Variants in RASAL2 observed in about 807,000 individuals in gnomAD.
RASAL2 encodes the protein ras GTPase-activating protein nGAP.
A neutral mutation model predicts 128.9 loss-of-function variants in RASAL2; 58 were observed. That is an observed-to-expected ratio of 0.45 (90% CI 0.36 to 0.56). RASAL2 has a LOEUF of 0.56. Among genes scored for constraint, RASAL2 ranks in the 20% least tolerant of loss-of-function variants. The pLI, the probability that RASAL2 is intolerant of heterozygous loss-of-function variation, is 0.00. For missense variants in RASAL2, 1,360 were observed against 1,601.6 expected (o/e 0.85, Z 2.57); for synonymous variants, 561 against 580.8 (o/e 0.97, Z 0.49).
intron 4 of RASAL2, among the ~76,000 whole-genome samples, chr1:178,410,507 G>T (rs966444908): frequency 3.9e-5 from 6 of 152,094 alleles, no homozygotes; most frequent in Admixed American, 6.5e-5. Context: ...TGCAACAAAA[G>T]TAAAGATAAA....
At chr1:178,249,702 A>G (rs145646622) in intron 1 of RASAL2, among the ~76,000 whole-genome samples, 29 of 152,142 alleles carry the variant, frequency 1.9e-4, no homozygotes, top group East Asian at 7.8e-4. Flanking sequence ...TTTGAGTCCA[A>G]TGACCTTTGG....
At chr1:178,330,435 A>G (rs562156388) in intron 3 of RASAL2, among the ~76,000 whole-genome samples, 7 of 152,286 alleles carry the variant, frequency 4.6e-5, no homozygotes, top group Admixed American at 3.9e-4. Context: ...ATTACAACAT[A>G]GAGTATGTAG....
chr1:178,103,895 G>A lies in RASAL2; in HGVS notation c.202+9201G>A, dbSNP rs184934033. Among the ~76,000 whole-genome samples the A allele has an allele frequency of 3.3e-3, 499 of 151,972 alleles. 4 individuals carry two copies. The highest frequency in any genetic ancestry group is 0.012 in the African/African-American group (484 of 41,482). On this transcript the variant is annotated intron_variant, in intron 1 of 17. Coordinates refer to ENST00000367649, the MANE Select transcript of RASAL2 (RefSeq NM_170692.4). ...TCGGATTTTTCTTTTATGGCTTTTTGGTTTTATGTCAGAATGTATTTTATG... is the reference window on the plus strand; with the variant it reads ...TCGGATTTTTCTTTTATGGCTTTTTAGTTTTATGTCAGAATGTATTTTATG...
chr1:178,271,956 T>TTG, intron 1 of RASAL2, among the ~76,000 whole-genome samples: 2 of 152,326 alleles, frequency 1.3e-5, no homozygotes, highest in Middle Eastern at 6.8e-3. Flanking sequence ...TGTGGTTCAT[T>TTG]TGTCTGAAAT....
intron 17 of RASAL2, 134 bp from the exon 18 acceptor site, chr1:178,472,941 A>G: frequency 2.0e-6 from 2 of 996,674 alleles, no homozygotes; most frequent in South Asian, 3.3e-5. Context: ...AGAAAGAGGC[A>G]GAGACGTTCC....
intron 5 of RASAL2, among the ~76,000 whole-genome samples, chr1:178,436,366 G>C (rs1002538116): frequency 6.6e-6 from 1 of 151,962 alleles, no homozygotes; most frequent in African/African-American, 2.4e-5. Context: ...TAAAATTTCG[G>C]TAACTAGGAA....
intron 1 of RASAL2, among the ~76,000 whole-genome samples, chr1:178,174,030 G>A (rs1661799949): frequency 6.6e-6 from 1 of 151,708 alleles, no homozygotes; most frequent in African/African-American, 2.4e-5. Flanking sequence ...TTTAAGTGAG[G>A]CAGTGACATT....
At chr1:178,359,027 A>G (rs1670969799) in intron 3 of RASAL2, among the ~76,000 whole-genome samples, 1 of 152,238 alleles carries the variant, frequency 6.6e-6, no homozygotes, top group Non-Finnish European at 1.5e-5. Context: ...GTAATATAAT[A>G]TTTAAATGGA....
At chr1:178,255,538 A>T (rs1330227908) in intron 1 of RASAL2, among the ~76,000 whole-genome samples, 1 of 152,106 alleles carries the variant, frequency 6.6e-6, no homozygotes, top group African/African-American at 2.4e-5. Flanking sequence ...ATATTAATAC[A>T]TGTAATATCT....
intron 1 of RASAL2, among the ~76,000 whole-genome samples, chr1:178,179,898 C>A (rs1206138867): frequency 1.3e-5 from 2 of 152,186 alleles, no homozygotes; most frequent in Admixed American, 6.5e-5. Flanking sequence ...TAGAAAATAA[C>A]CATAATTTTC....
intron 1 of RASAL2, among the ~76,000 whole-genome samples, chr1:178,121,690 T>C (rs978443743): frequency 6.6e-6 from 1 of 152,142 alleles, no homozygotes; most frequent in African/African-American, 2.4e-5. Context: ...TTTGCCGTGT[T>C]AGCCAGGCTG....
intron 1 of RASAL2, among the ~76,000 whole-genome samples, chr1:178,260,637 T>C (rs1665651452): frequency 6.6e-6 from 1 of 151,624 alleles, no homozygotes; most frequent in African/African-American, 2.4e-5. Context: ...TTATTTTATT[T>C]CCTTAAGTCA....
chr1:178,322,068 A>G (rs1668816804), intron 3 of RASAL2, among the ~76,000 whole-genome samples: 1 of 151,810 alleles, frequency 6.6e-6, no homozygotes, highest in East Asian at 1.9e-4. Flanking sequence ...CCTCACCTCA[A>G]GTGATACTCC....
At chr1:178,390,047 G>T (rs764773286) in intron 3 of RASAL2, 53 bp from the exon 4 acceptor site, 38 of 1,175,886 alleles carry the variant, frequency 3.2e-5, no homozygotes, top group South Asian at 1.4e-5. Context: ...TTCAGTGGAA[G>T]ATCCTAAATT....
chr1:178,219,634 A>T (rs1341366479), intron 1 of RASAL2, among the ~76,000 whole-genome samples: 1 of 146,704 alleles, frequency 6.8e-6, no homozygotes, highest in African/African-American at 2.5e-5. Flanking sequence ...TGCCTCAGGA[A>T]AAAAAAAAAA....
At chr1:178,264,431 AC>A (rs1483429042) in intron 1 of RASAL2, among the ~76,000 whole-genome samples, 1 of 152,106 alleles carries the variant, frequency 6.6e-6, no homozygotes, top group African/African-American at 2.4e-5. Flanking sequence ...TTCTCTCTAA[AC>A]CCTCATGCAC....
chr1:178,367,153 C>A (rs1671445418), intron 3 of RASAL2, among the ~76,000 whole-genome samples: 1 of 152,144 alleles, frequency 6.6e-6, no homozygotes, highest in African/African-American at 2.4e-5. Flanking sequence ...AAAGGTAAGT[C>A]AAAGACCCCT....
At chr1:178,262,258 T>C (rs1482064403) in intron 1 of RASAL2, among the ~76,000 whole-genome samples, 1 of 152,182 alleles carries the variant, frequency 6.6e-6, no homozygotes, top group Non-Finnish European at 1.5e-5. Context: ...ATGCAGGGTA[T>C]TTAAAGTTCC....
At chr1:178,147,165 T>G (rs1175791518) in intron 1 of RASAL2, among the ~76,000 whole-genome samples, 1 of 152,144 alleles carries the variant, frequency 6.6e-6, no homozygotes, top group African/African-American at 2.4e-5. Flanking sequence ...TTTAATTGTC[T>G]TCATCTCTAT....
Sources: allele counts gnomAD v4.1 joint callset (sites outside exome capture counted in the v4.1 genomes callset), GRCh38; gene constraint gnomAD v4.1.1; transcripts MANE v1.5; gene names NCBI Gene and HGNC (gene_info 2026-07-23, HGNC 2026-07-21).